GRIK2: variants seen among roughly 807,000 people sequenced by gnomAD.
GRIK2 encodes glutamate receptor ionotropic, kainate 2.
GRIK2 carries 32 observed loss-of-function variants against 100.3 expected under a neutral mutation model. The ratio of observed to expected loss-of-function variants is 0.32; its 90% CI spans 0.24 to 0.43. The LOEUF (loss-of-function observed/expected upper bound fraction) is 0.43. Among genes scored for constraint, GRIK2 ranks in the 20% least tolerant of loss-of-function variants. GRIK2 has a pLI of 1.00. For missense variants in GRIK2, 843 were observed against 1,114.9 expected (o/e 0.76, Z 3.47); for synonymous variants, 417 against 389.4 (o/e 1.07, Z -0.83).
chr6:101,683,611 C>T (rs962189529), intron 6 of GRIK2, among the ~76,000 whole-genome samples: 1 of 152,246 alleles, frequency 6.6e-6, no homozygotes, highest in South Asian at 2.1e-4. Context: ...GGACTTCATC[C>T]AATCTTATTT....
intron 2 of GRIK2, among the ~76,000 whole-genome samples, chr6:101,592,631 T>A (rs2128307220): frequency 9.3e-6 from 1 of 107,180 alleles, no homozygotes; most frequent in South Asian, 3.0e-4. Context: ...ATATTGCTTT[T>A]TCACAGACAA....
At chr6:101,963,741 T>G (rs1792480919) in intron 14 of GRIK2, among the ~76,000 whole-genome samples, 1 of 152,078 alleles carries the variant, frequency 6.6e-6, no homozygotes, top group African/African-American at 2.4e-5. Flanking sequence ...ATTATATGTA[T>G]ATATGCTCCA....
intron 2 of GRIK2, among the ~76,000 whole-genome samples, chr6:101,505,062 T>G (rs937454472): frequency 3.3e-3 from 143 of 43,614 alleles, no homozygotes; most frequent in African/African-American, 0.014. Context: ...TTTTTTTTGT[T>G]TTTTTTTTTG....
intron 9 of GRIK2, among the ~76,000 whole-genome samples, chr6:101,806,882 A>T (rs1025946173): frequency 3.3e-5 from 5 of 151,692 alleles, no homozygotes; most frequent in Non-Finnish European, 7.4e-5. Context: ...ACAATTATTT[A>T]TTCACGTGAA....
At chr6:101,755,513 A>G (rs1334533763) in intron 7 of GRIK2, among the ~76,000 whole-genome samples, 1 of 152,120 alleles carries the variant, frequency 6.6e-6, no homozygotes, top group Non-Finnish European at 1.5e-5. Flanking sequence ...ATATGAGTTC[A>G]AAATCTTTTC....
intron 14 of GRIK2, among the ~76,000 whole-genome samples, chr6:101,957,006 T>C (rs1372490580): frequency 6.6e-6 from 1 of 151,834 alleles, no homozygotes; most frequent in Non-Finnish European, 1.5e-5. Flanking sequence ...TTTGGGTATA[T>C]ACCCAGTAGT....
intron 11 of GRIK2, among the ~76,000 whole-genome samples, chr6:101,883,910 G>A (rs1786437907): frequency 1.3e-5 from 2 of 152,146 alleles, no homozygotes; most frequent in Admixed American, 1.3e-4. Context: ...TGTTCTATAA[G>A]TCATTGGAGG....
intron 2 of GRIK2, among the ~76,000 whole-genome samples, chr6:101,594,497 T>TA (rs1778815752): frequency 6.6e-6 from 1 of 151,846 alleles, no homozygotes; most frequent in East Asian, 1.9e-4. Flanking sequence ...AAAATGGGTT[T>TA]AAGGCAAGGA....
intron 2 of GRIK2, among the ~76,000 whole-genome samples, chr6:101,514,094 A>G (rs1014683164): frequency 3.3e-5 from 5 of 152,284 alleles, no homozygotes; most frequent in African/African-American, 1.2e-4. Context: ...TAGAGATTAC[A>G]AGATAACCAA....
chr6:101,735,630 T>C (rs1399653758), intron 7 of GRIK2, among the ~76,000 whole-genome samples: 2 of 152,130 alleles, frequency 1.3e-5, no homozygotes, highest in East Asian at 1.9e-4. Flanking sequence ...GAAAACAATA[T>C]GTGAAAGACC....
intron 14 of GRIK2, among the ~76,000 whole-genome samples, chr6:101,944,240 C>G (rs974139819): frequency 1.3e-5 from 2 of 152,118 alleles, no homozygotes; most frequent in Non-Finnish European, 2.9e-5. Flanking sequence ...TCAATTAAAC[C>G]TCTTTTCTTT....
intron 10 of GRIK2, among the ~76,000 whole-genome samples, chr6:101,837,915 A>G (rs889615181): frequency 6.6e-5 from 10 of 152,126 alleles, no homozygotes; most frequent in Non-Finnish European, 1.3e-4. Flanking sequence ...AAAGTTCTTT[A>G]TGGGGTTCAG....
intron 7 of GRIK2, among the ~76,000 whole-genome samples, chr6:101,697,014 A>G (rs554819850): frequency 6.6e-6 from 1 of 152,142 alleles, no homozygotes; most frequent in Non-Finnish European, 1.5e-5. Flanking sequence ...CACAAGCCAT[A>G]TCTGAATCTC....
At chr6:102,009,048 AATTTGTACAACCAGTT>A (rs1795388944) in intron 14 of GRIK2, among the ~76,000 whole-genome samples, 1 of 152,090 alleles carries the variant, frequency 6.6e-6, no homozygotes, top group Admixed American at 6.6e-5. Context: ...AATTGAAATA[AATTTGTACAACCAGTT>A]ATTTTGAGAA....
At chr6:101,623,353 A>C (rs941739332) in intron 3 of GRIK2, among the ~76,000 whole-genome samples, 2 of 152,084 alleles carry the variant, frequency 1.3e-5, no homozygotes, top group African/African-American at 4.8e-5. Context: ...TCAGGTGATG[A>C]AAGGTTTTGA....
rs1315524835 is a variant in GRIK2, at chr6:102,006,390, A to ATATATTTTTTT, written c.2086-28950_2086-28949insATATTTTTTTT. On this transcript the variant is annotated intron_variant, in intron 14 of 16. Transcript: ENST00000369134. ...CTTTTATATATATATATATATATAT[A>ATATATTTTTTT]TTTTTTTTTTTTTTGAGACATACAG... Among the ~76,000 whole-genome samples, 757 of 114,014 alleles carry ATATATTTTTTT rather than the reference A, an allele frequency of 6.6e-3. 21 individuals are homozygous for ATATATTTTTTT. The highest frequency in any genetic ancestry group is 0.029 in the African/African-American group (635 of 21,848). 74.8% of individuals were successfully genotyped at this position (114,014 alleles called of 152,430 possible). A position where few individuals can be genotyped will look rare whatever the true frequency, so the allele number is the denominator to read the frequency against.
At chr6:101,708,099 G>A (rs559687725) in intron 7 of GRIK2, among the ~76,000 whole-genome samples, 4 of 151,762 alleles carry the variant, frequency 2.6e-5, no homozygotes, top group South Asian at 4.1e-4. Context: ...ATAAATGAAT[G>A]AAAAAATAAA....
At chr6:101,458,715 A>G (rs1771136689) in intron 2 of GRIK2, among the ~76,000 whole-genome samples, 1 of 152,178 alleles carries the variant, frequency 6.6e-6, no homozygotes, top group African/African-American at 2.4e-5. Context: ...CTTCAGCAAG[A>G]AGGGGGTACA....
At chr6:101,767,837 G>T (rs889083409) in intron 7 of GRIK2, among the ~76,000 whole-genome samples, 5 of 151,678 alleles carry the variant, frequency 3.3e-5, no homozygotes, top group Non-Finnish European at 5.9e-5. Context: ...ATAAATATAG[G>T]TCTAGATAAT....
Sources: allele counts gnomAD v4.1 joint callset (sites outside exome capture counted in the v4.1 genomes callset), GRCh38; gene constraint gnomAD v4.1.1; transcripts MANE v1.5; gene names NCBI Gene and HGNC (gene_info 2026-07-23, HGNC 2026-07-21).